Variants in ELK3 observed in about 807,000 individuals in gnomAD.
The protein encoded by ELK3 is ETS domain-containing protein Elk-3.
A neutral mutation model predicts 28.9 loss-of-function variants in ELK3; 10 were observed. The observed-to-expected ratio is 0.35, with a 90% CI of 0.21 to 0.59. The LOEUF (loss-of-function observed/expected upper bound fraction) is 0.59, where lower values mean the gene tolerates loss of function less well. Among genes scored for constraint, ELK3 ranks in the 20% least tolerant of loss-of-function variants. The pLI is 0.82. For synonymous variants in ELK3, 272 were observed against 243.5 expected, an observed-to-expected ratio of 1.12 and a Z score of -1.09; for missense variants, 463 against 517.3, an observed-to-expected ratio of 0.90 and a Z score of 1.02.
chr12:96,232,846 TAG>T (rs1951753165), intron 2 of ELK3, among the ~76,000 whole-genome samples: 1 of 151,678 alleles, frequency 6.6e-6, no homozygotes, highest in Non-Finnish European at 1.5e-5. Context: ...TGCGCACCTG[TAG>T]TCCTACTTAC....
At chr12:96,260,661 T>C (rs1444994729) in intron 4 of ELK3, among the ~76,000 whole-genome samples, 1 of 152,212 alleles carries the variant, frequency 6.6e-6, no homozygotes, top group Non-Finnish European at 1.5e-5. Context: ...AGATCATTAC[T>C]CACTGATTAA....
intron 4 of ELK3, among the ~76,000 whole-genome samples, chr12:96,264,447 A>G (rs1174015303): frequency 1.3e-5 from 2 of 152,196 alleles, no homozygotes; most frequent in African/African-American, 2.4e-5. Flanking sequence ...AAGTAGAAGC[A>G]AAGATTACTA....
rs1952049338 is a variant in ELK3 at position 96,267,831 on chromosome 12, A to G, written c.*651A>G. ...AGCCATATTTAGACAATAAACATTG[A>G]TAAAAGAAAATGTTCTAAAGTACAT... On this transcript the variant is annotated 3_prime_UTR_variant, in exon 5 of 5. Transcript: ENST00000228741. 1 of 85,156 alleles carries G rather than the reference A, an allele frequency of 1.2e-5. No individual in the cohort carries two copies. The highest frequency in any genetic ancestry group is 2.6e-5 in the Non-Finnish European group (1 of 38,724). The allele number at this position is 85,156 out of a possible 1,614,324, so 5.3% of individuals were successfully genotyped here. A position where few individuals can be genotyped will look rare whatever the true frequency, so the allele number is the denominator to read the frequency against.
chr12:96,252,005 A>C (rs530547265), intron 3 of ELK3, among the ~76,000 whole-genome samples: 53 of 152,384 alleles, frequency 3.5e-4, no homozygotes, highest in African/African-American at 1.2e-3. Context: ...GGACTTTCAT[A>C]GCTGGAGAAG....
intron 2 of ELK3, among the ~76,000 whole-genome samples, chr12:96,227,926 C>G (rs1194865173): frequency 3.9e-5 from 6 of 152,122 alleles, no homozygotes; most frequent in African/African-American, 1.4e-4. Context: ...GGGCCCCAAA[C>G]AGGGTAGGCA....
At chr12:96,237,923 G>A (rs139840649) in intron 2 of ELK3, among the ~76,000 whole-genome samples, 187 of 152,352 alleles carry the variant, frequency 1.2e-3, no homozygotes, top group Non-Finnish European at 2.4e-3. Context: ...ACTGTGGTCT[G>A]GAAGGGAACC....
chr12:96,197,290 A>G (rs767539562), intron 1 of ELK3, among the ~76,000 whole-genome samples: 2 of 152,160 alleles, frequency 1.3e-5, no homozygotes, highest in African/African-American at 4.8e-5. Context: ...TGGTTGTTAT[A>G]ACTAAGGGGG....
At chr12:96,229,391 CTCTT>C (rs953112153) in intron 2 of ELK3, among the ~76,000 whole-genome samples, 1 of 152,174 alleles carries the variant, frequency 6.6e-6, no homozygotes, top group African/African-American at 2.4e-5. Context: ...CTCAGGTGGA[CTCTT>C]TCTTGGCCTC....
chr12:96,206,201 A>G lies in ELK3; in HGVS notation c.-3+11496A>G, dbSNP rs1951537198. On this transcript the variant is annotated intron_variant, in intron 1 of 4. Transcript: ENST00000228741. ...AAAGCCTAGTAGTTTGTCTTTCAGA[A>G]AGGAGAAACTTTAAAACCTTGATGT... Among the ~76,000 whole-genome samples, 5 of 152,310 alleles carry G rather than the reference A, an allele frequency of 3.3e-5. No homozygotes were observed. The South Asian group carries it at 1.0e-3, about 32-fold the overall frequency.
intron 1 of ELK3, among the ~76,000 whole-genome samples, chr12:96,197,087 G>T (rs932493315): frequency 2.0e-5 from 3 of 152,112 alleles, no homozygotes; most frequent in Admixed American, 2.0e-4. Context: ...CATACATTTT[G>T]CATGAGTGTT....
At chr12:96,265,420 T>C (rs1463220194) in intron 4 of ELK3, among the ~76,000 whole-genome samples, 1 of 152,230 alleles carries the variant, frequency 6.6e-6, no homozygotes, top group Non-Finnish European at 1.5e-5. Flanking sequence ...GCACAGTGGC[T>C]GACATCTGCA....
At chr12:96,262,804 T>C (rs1952003198) in intron 4 of ELK3, among the ~76,000 whole-genome samples, 1 of 152,032 alleles carries the variant, frequency 6.6e-6, no homozygotes. Flanking sequence ...GTGCCTCTTA[T>C]TTTTTTAAGA....
intron 2 of ELK3, among the ~76,000 whole-genome samples, chr12:96,230,863 CCA>C (rs1159873009): frequency 6.6e-6 from 1 of 152,182 alleles, no homozygotes; most frequent in African/African-American, 2.4e-5. Context: ...CATCCGAGCT[CCA>C]CCAGGGAACT....
At chr12:96,266,426 C>CATTATCAGAGCATAT (rs1334618590) in intron 4 of ELK3, among the ~76,000 whole-genome samples, 1 of 152,146 alleles carries the variant, frequency 6.6e-6, no homozygotes, top group Non-Finnish European at 1.5e-5. Flanking sequence ...ACCTGAAACT[C>CATTATCAGAGCATAT]ATTATCAGAG....
At chr12:96,230,158 T>C (rs1454799980) in intron 2 of ELK3, among the ~76,000 whole-genome samples, 1 of 152,230 alleles carries the variant, frequency 6.6e-6, no homozygotes, top group Non-Finnish European at 1.5e-5. Context: ...TACTATTATA[T>C]TGCAGTTGCC....
chr12:96,264,552 A>G (rs1952015409), intron 4 of ELK3, among the ~76,000 whole-genome samples: 1 of 152,044 alleles, frequency 6.6e-6, no homozygotes, highest in Non-Finnish European at 1.5e-5. Context: ...GGAGGGTGAC[A>G]TGGGTGGATC....
At chr12:96,219,903 C>T (rs1439429661) in intron 1 of ELK3, among the ~76,000 whole-genome samples, 1 of 152,046 alleles carries the variant, frequency 6.6e-6, no homozygotes, top group African/African-American at 2.4e-5. Context: ...CAAGAGAGCG[C>T]GAGAAGAGGA....
intron 2 of ELK3, among the ~76,000 whole-genome samples, chr12:96,240,399 A>T (rs1951812663): frequency 6.6e-6 from 1 of 152,204 alleles, no homozygotes; most frequent in Admixed American, 6.5e-5. Context: ...TCATGCGTGG[A>T]TGCATCGGGC....
Position 96,210,597 on chromosome 12 carries a change from A to ACACACCCCC in ELK3, c.-2-12967_-2-12966insACACCCCCC, listed in dbSNP as rs1416746905. 3.2e-3 allele frequency among the ~76,000 whole-genome samples: 482 copies of ACACACCCCC among 149,010 alleles called. 16 individuals are homozygous for ACACACCCCC. The highest frequency in any genetic ancestry group is 0.03 in the Admixed American group (445 of 14,858). ...CACACACACACACACACACACACAC[A>ACACACCCCC]CCCCGAGTGGGAGGTCCAGGGGCAC... On this transcript the variant is annotated intron_variant, in intron 1 of 4. Transcript: ENST00000228741.
Sources: allele counts gnomAD v4.1 joint callset (sites outside exome capture counted in the v4.1 genomes callset), GRCh38; gene constraint gnomAD v4.1.1; transcripts MANE v1.5; gene names NCBI Gene and HGNC (gene_info 2026-07-23, HGNC 2026-07-21).